The following ACSL5 variants were observed in gnomAD, a reference collection of about 807,000 sequenced individuals.
The protein encoded by ACSL5 is long-chain-fatty-acid--CoA ligase 5.
In ACSL5, 50 loss-of-function variants were observed where a neutral mutation model predicts 84.9. That is an observed-to-expected ratio of 0.59 (90% CI 0.47 to 0.75). The LOEUF (loss-of-function observed/expected upper bound fraction) is 0.75, where lower values mean the gene tolerates loss of function less well. ACSL5 is among the 30% of genes least tolerant of loss of function. The probability of loss-of-function intolerance (pLI) is 0.00; values close to 1 mark genes in which losing one functional copy is unlikely to be tolerated. For synonymous variants in ACSL5, 280 were observed against 300.7 expected (o/e 0.93, Z 0.71); for missense variants, 775 against 830.4 (o/e 0.93, Z 0.82).
intron 2 of ACSL5, 42 bp from the exon 3 acceptor site, chr10:112,398,859 G>T (rs1843808508): frequency 6.5e-7 from 1 of 1,530,420 alleles, no homozygotes; most frequent in African/African-American, 1.4e-5. Context: ...GAAAGAGTGA[G>T]GGGAGACTTG....
intron 12 of ACSL5, among the ~76,000 whole-genome samples, chr10:112,414,748 A>G (rs140259085): frequency 1.7e-3 from 257 of 152,288 alleles, no homozygotes; most frequent in Non-Finnish European, 2.9e-3. Context: ...TTCTGGCACA[A>G]GATGTCTCAA....
chr10:112,376,582 C>A, intron 1 of ACSL5: 1 of 1,257,684 alleles, frequency 8.0e-7, no homozygotes, highest in Non-Finnish European at 1.1e-6. Flanking sequence ...TCCACGGGCA[C>A]ATCATGCTGT....
chr10:112,388,021 T>G (rs959421082), intron 1 of ACSL5, among the ~76,000 whole-genome samples: 1 of 143,496 alleles, frequency 7.0e-6, no homozygotes, highest in Admixed American at 7.5e-5. Flanking sequence ...TCACTGCAAC[T>G]TCCGCCTCCC....
At chr10:112,390,655 A>AATAGATAGATAGATAG (rs56390024) in intron 1 of ACSL5, among the ~76,000 whole-genome samples, 9 of 149,452 alleles carry the variant, frequency 6.0e-5, no homozygotes, top group East Asian at 2.0e-4. Flanking sequence ...TAGATAGATA[A>AATAGATAGATAGATAG]ATAGATAGAT....
intron 11 of ACSL5, 31 bp downstream of exon 11, chr10:112,412,010 G>A (rs2133634057): frequency 6.4e-7 from 1 of 1,572,852 alleles, no homozygotes; most frequent in Non-Finnish European, 8.8e-7. Context: ...GCAGTATGTG[G>A]CAAGGGGGTC....
Position 112,382,918 on chromosome 10 carries a change from C to G in ACSL5, c.-30+8649C>G, listed in dbSNP as rs76377062. On this transcript the variant is annotated intron_variant, in intron 1 of 20. Transcript: ENST00000354655. ...TACCACCTGGTGTTTTAACAGGGCT[C>G]CCTTTGGTAATGCTGTCTCCCTGCT... Among the ~76,000 whole-genome samples, 659 of 152,264 alleles carry G rather than the reference C, an allele frequency of 4.3e-3. 6 individuals are homozygous for G. Among genetic ancestry groups the G allele is most frequent in the African/African-American group, 0.015 (637 of 41,548 alleles).
At chr10:112,408,609 T>C (rs1304925643) in intron 6 of ACSL5, 88 bp downstream of exon 6, 2 of 983,600 alleles carry the variant, frequency 2.0e-6, no homozygotes, top group Non-Finnish European at 3.2e-6. Flanking sequence ...TTTGTTTGTT[T>C]GTTTAAGCAA....
At chr10:112,408,354 G>T in intron 5 of ACSL5, 68 bp from the exon 6 acceptor site, 1 of 976,368 alleles carries the variant, frequency 1.0e-6, no homozygotes, top group Non-Finnish European at 1.6e-6. Flanking sequence ...AGCATTTGTT[G>T]GCTGAATGAC....
Position 112,425,326 on chromosome 10 carries a change from T to C in ACSL5, c.1594-12T>C. The C allele has an allele frequency of 3.1e-6, 5 of 1,594,238 alleles. No homozygotes were observed. The South Asian group carries it at 3.4e-5, about 11-fold the overall frequency. ...GCTCAAAAATACTGATACTTTTATCTGTCTCATGTAGAATGGAACTCTGAA... is the reference window on the plus strand; with the variant it reads ...GCTCAAAAATACTGATACTTTTATCCGTCTCATGTAGAATGGAACTCTGAA... On this transcript the variant is annotated splice_polypyrimidine_tract_variant and intron_variant, in intron 17 of 20. Transcript: ENST00000354655.
intron 20 of ACSL5, 131 bp downstream of exon 20, chr10:112,426,990 AC>A: frequency 1.1e-6 from 1 of 927,204 alleles, no homozygotes; most frequent in South Asian, 1.6e-5. Flanking sequence ...CTACAAAATG[AC>A]CTTTTGTAGT....
chr10:112,393,971 C>G (rs966991194), intron 1 of ACSL5, among the ~76,000 whole-genome samples: 9 of 152,184 alleles, frequency 5.9e-5, no homozygotes, highest in African/African-American at 2.2e-4. Context: ...AGTGAGTGCT[C>G]ATGTGTTTGC....
chr10:112,421,461 A>C (rs1844463161), intron 14 of ACSL5, 132 bp from the exon 15 acceptor site: 1 of 741,234 alleles, frequency 1.3e-6, no homozygotes, highest in Admixed American at 2.2e-5. Flanking sequence ...GCCCCCTCCA[A>C]GTTCAAGGTT....
At chr10:112,387,245 A>T (rs976323825) in intron 1 of ACSL5, among the ~76,000 whole-genome samples, 2 of 152,234 alleles carry the variant, frequency 1.3e-5, no homozygotes, top group African/African-American at 4.8e-5. Flanking sequence ...AAAACTACTT[A>T]TGATACAGAA....
intron 14 of ACSL5, 89 bp downstream of exon 14, chr10:112,418,030 G>A (rs1844359696): frequency 9.4e-7 from 1 of 1,064,694 alleles, no homozygotes; most frequent in African/African-American, 1.6e-5. Flanking sequence ...CAACTAAAAG[G>A]TACCAAAATG....
intron 1 of ACSL5, among the ~76,000 whole-genome samples, chr10:112,384,615 C>T (rs1227198565): frequency 6.6e-6 from 1 of 152,170 alleles, no homozygotes; most frequent in Non-Finnish European, 1.5e-5. Context: ...TCAAGCGATC[C>T]TCCCACCTCA....
chr10:112,404,603 ATTCT>A, intron 4 of ACSL5, 28 bp downstream of exon 4: 2 of 1,607,624 alleles, frequency 1.2e-6, no homozygotes. Context: ...TTTTAGACAG[ATTCT>A]TTCTAACATA....
At chr10:112,414,238 A>G (rs945115105) in intron 12 of ACSL5, among the ~76,000 whole-genome samples, 4 of 152,028 alleles carry the variant, frequency 2.6e-5, no homozygotes, top group Admixed American at 6.6e-5. Context: ...TTATTTATCA[A>G]TCTTCAGAAG....
At chr10:112,394,113 C>G (rs1843697347) in intron 1 of ACSL5, among the ~76,000 whole-genome samples, 1 of 152,204 alleles carries the variant, frequency 6.6e-6, no homozygotes, top group Non-Finnish European at 1.5e-5. Flanking sequence ...TAGTTTGAAG[C>G]TGAACTTGGC....
intron 1 of ACSL5, among the ~76,000 whole-genome samples, chr10:112,386,257 A>C (rs931179192): frequency 7.5e-6 from 1 of 133,574 alleles, no homozygotes; most frequent in Admixed American, 9.0e-5. Context: ...GCAGTGGTGC[A>C]ATCTCGGCTC....
Sources: allele counts gnomAD v4.1 joint callset (sites outside exome capture counted in the v4.1 genomes callset), GRCh38; gene constraint gnomAD v4.1.1; transcripts MANE v1.5; gene names NCBI Gene and HGNC (gene_info 2026-07-23, HGNC 2026-07-21).